Variants in PGF observed in about 807,000 individuals in gnomAD.
The protein encoded by PGF is placenta growth factor.
A neutral mutation model predicts 25.3 loss-of-function variants in PGF; 11 were observed. That is an observed-to-expected ratio of 0.43 (90% CI 0.27 to 0.72). PGF has a LOEUF of 0.72. Ranked by LOEUF, PGF falls within the 30% of genes least tolerant of loss-of-function variation. The probability of loss-of-function intolerance (pLI) is 0.18; values close to 1 mark genes in which losing one functional copy is unlikely to be tolerated. For synonymous variants in PGF, 105 were observed against 97.9 expected, an observed-to-expected ratio of 1.07 and a Z score of -0.43; for missense variants, 230 against 234.9, an observed-to-expected ratio of 0.98 and a Z score of 0.14.
Position 74,955,014 on chromosome 14 carries a change from C to T in PGF, c.75+154G>A, listed in dbSNP as rs949976220. Among the ~76,000 whole-genome samples, 1 of 150,902 alleles carries T rather than the reference C, an allele frequency of 6.6e-6. No homozygotes were observed. Among genetic ancestry groups the T allele is most frequent in the African/African-American group, 2.4e-5 (1 of 41,174 alleles). Reference sequence around the variant, plus strand: ...GGGACAGCCAGCCTGAGGTCTCTTCCCAAACGAAAGAAGTCCAGCCTGGCC... The same window carrying T: ...GGGACAGCCAGCCTGAGGTCTCTTCTCAAACGAAAGAAGTCCAGCCTGGCC... On this transcript the variant is annotated intron_variant, in intron 1 of 6. Transcript: ENST00000555567. The surrounding 1 kb of genome is among the most constrained non-coding windows in gnomAD (Gnocchi z 4.1).
Position 74,949,359 on chromosome 14 carries a change from G to C in PGF, c.313C>G (p.Gln105Glu), listed in dbSNP as rs771688033. 2 of 1,563,438 alleles carry C rather than the reference G, an allele frequency of 1.3e-6. No individual in the cohort carries two copies. Among genetic ancestry groups the C allele is most frequent in the East Asian group, 2.3e-5 (1 of 42,782 alleles). Residue 105 changes from glutamine (Q) to glutamate (E), a missense_variant and splice_region_variant, in exon 3 of 7, where the codon CAG becomes GAG. Transcript: ENST00000555567. ...VPVETANVTM[Q>E]LLKIRSGDRP... ...CCCTGGGCAGGGTATGGACCTACCTGCATGGTGACATTGGCCGTCTCCACC... is the reference window on the plus strand; with the variant it reads ...CCCTGGGCAGGGTATGGACCTACCTCCATGGTGACATTGGCCGTCTCCACC...
In PGF at chr14:74,946,426, G is replaced by T. The variant is rs61759386; in HGVS notation, c.393-18C>A. 1 of 1,598,514 alleles carries T rather than the reference G, an allele frequency of 6.3e-7. No individual in the cohort carries two copies. Among genetic ancestry groups the T allele is most frequent in the Non-Finnish European group, 8.5e-7 (1 of 1,171,218 alleles). On this transcript the variant is annotated intron_variant, in intron 4 of 6. Coordinates refer to ENST00000555567, the MANE Select transcript of PGF (RefSeq NM_002632.6). ...GCAGAGGCCTAGGGAAACAGACAGA[G>T]AGAGGGGCAGAGGAACGTTAGGAAA...
In PGF at chr14:74,950,777, T is replaced by A. The variant is rs1365871043; in HGVS notation, c.119-1224A>T. On this transcript the variant is annotated intron_variant, in intron 2 of 6. Transcript: ENST00000555567. The surrounding 1 kb of genome is among the most constrained non-coding windows in gnomAD (Gnocchi z 4.1). The stretch of plus-strand genomic sequence containing the variant: ...GACCAACCGCCTGTGAATCAGTGCC[T>A]GCAACCCAGCCCAGCCCAGAGACCA... 1.3e-5 allele frequency among the ~76,000 whole-genome samples: 2 copies of A among 152,230 alleles called. No homozygotes were observed. The highest frequency in any genetic ancestry group is 4.8e-5 in the African/African-American group (2 of 41,472).
intron 6 of PGF, chr14:74,944,417 T>G (rs2140401391): frequency 6.6e-6 from 1 of 152,198 alleles, no homozygotes; most frequent in Middle Eastern, 3.4e-3. Context: ...GTTCATTTTC[T>G]TAAAAGTGGA....
At chr14:74,942,863 T>G (rs1003868439) in intron 6 of PGF, 130 bp from the exon 7 acceptor site, 7 of 737,832 alleles carry the variant, frequency 9.5e-6, no homozygotes, top group Non-Finnish European at 1.5e-5. Flanking sequence ...GCAGTGCTCC[T>G]GGGTCCCTGC....
intron 3 of PGF, among the ~76,000 whole-genome samples, 186 bp downstream of exon 3, chr14:74,949,171 G>C (rs1030186192): frequency 1.3e-5 from 2 of 152,192 alleles, no homozygotes; most frequent in Admixed American, 1.3e-4. Flanking sequence ...GAATGCTGGT[G>C]GGGGTGGAGA....
At position 74,946,371 on chromosome 14, in the gene PGF, C is replaced by T. The variant is rs1888735180; in HGVS notation, c.422+8G>A. The T allele has an allele frequency of 6.2e-7, 1 of 1,612,918 alleles. No individual in the cohort carries two copies. The highest frequency in any genetic ancestry group is 1.3e-5 in the African/African-American group (1 of 75,044). On this transcript the variant is annotated splice_region_variant and intron_variant, in intron 5 of 6. Transcript: ENST00000555567. The stretch of plus-strand genomic sequence containing the variant: ...AGAATAGCCCCGAGCCCCAGCCAAA[C>T]CACTTACCTTTCCGGCTTCATCTTC...
Position 74,955,366 on chromosome 14 carries a change from C to G in PGF, c.-124G>C. The G allele has an allele frequency of 4.3e-6, 2 of 469,716 alleles. No individual in the cohort carries two copies. 29.1% of individuals were successfully genotyped at this position (469,716 alleles called of 1,614,324 possible). On this transcript the variant is annotated 5_prime_UTR_variant, in exon 1 of 7. Coordinates refer to ENST00000555567, the MANE Select transcript of PGF (RefSeq NM_002632.6). The surrounding 1 kb of genome is among the most constrained non-coding windows in gnomAD (Gnocchi z 4.1). Reference sequence around the variant, plus strand: ...CTGGACGCCTCCCTCACTGCTGCCCCGAGGCCCCGGCCGGTGGTTCGAGCA... The same window carrying G: ...CTGGACGCCTCCCTCACTGCTGCCCGGAGGCCCCGGCCGGTGGTTCGAGCA...
chr14:74,942,313 A>G lies in PGF; in HGVS notation c.*393T>C, dbSNP rs1888619566. On this transcript the variant is annotated 3_prime_UTR_variant, in exon 7 of 7. Coordinates refer to ENST00000555567, the MANE Select transcript of PGF (RefSeq NM_002632.6). ...CAGGATCCGCATCCCTACTTTGGAC[A>G]GGAGCTCCGAAAGCAAGGGCTGCTT... 1 of 184,938 alleles carries G rather than the reference A, an allele frequency of 5.4e-6. No homozygotes were observed. The highest frequency in any genetic ancestry group is 1.1e-5 in the Non-Finnish European group (1 of 88,978). The allele number at this position is 184,938 out of a possible 1,614,324, so 11.5% of individuals were successfully genotyped here. A position where few individuals can be genotyped will look rare whatever the true frequency, so the allele number is the denominator to read the frequency against.
intron 4 of PGF, 58 bp downstream of exon 4, chr14:74,948,449 G>T (rs773408447): frequency 2.2e-4 from 236 of 1,094,518 alleles, no homozygotes; most frequent in Non-Finnish European, 3.0e-4. Flanking sequence ...CATCTTTGCT[G>T]AGGCTGCCAA....
At chr14:74,946,903 C>A (rs751138579) in intron 4 of PGF, 1 of 752,478 alleles carries the variant, frequency 1.3e-6, no homozygotes, top group South Asian at 1.4e-5. Context: ...GAGCATCAGC[C>A]CTGAAGTCAC....
At chr14:74,943,202 C>A (rs1566855254) in intron 6 of PGF, among the ~76,000 whole-genome samples, 2 of 152,194 alleles carry the variant, frequency 1.3e-5, no homozygotes. Flanking sequence ...TTAAAGAAAT[C>A]CATTTTCAGC....
intron 6 of PGF, among the ~76,000 whole-genome samples, chr14:74,942,980 G>A (rs945924009): frequency 1.3e-5 from 2 of 152,164 alleles, no homozygotes; most frequent in South Asian, 2.1e-4. Context: ...AACCTTCCAT[G>A]AGGAAGGCAC....
At chr14:74,948,843 C>A (rs778034947) in intron 3 of PGF, among the ~76,000 whole-genome samples, 1 of 152,214 alleles carries the variant, frequency 6.6e-6, no homozygotes, top group Non-Finnish European at 1.5e-5. Context: ...GTCAGAGAGA[C>A]CCGTGTTCAG....
chr14:74,947,050 CA>C, intron 4 of PGF: 1 of 568,906 alleles, frequency 1.8e-6, no homozygotes, highest in South Asian at 2.3e-5. Context: ...AGACATGGGA[CA>C]GCATGGTAGC....
rs761272672 is a variant in PGF at position 74,948,493 on chromosome 14, C to T, written c.392+14G>A. The T allele has an allele frequency of 1.3e-6, 2 of 1,562,996 alleles. No homozygotes were observed. Among genetic ancestry groups the T allele is most frequent in the Admixed American group, 1.7e-5 (1 of 58,534 alleles). ...GGGCCTTTCCTTGCTACCCACCCGA[C>T]CCCGGAGACCTACCGGCATTCGCAG... On this transcript the variant is annotated intron_variant, in intron 4 of 6. Coordinates refer to ENST00000555567, the MANE Select transcript of PGF (RefSeq NM_002632.6).
chr14:74,954,592 A>G lies in PGF; in HGVS notation c.75+576T>C, dbSNP rs529635136. Among the ~76,000 whole-genome samples the G allele has an allele frequency of 1.0e-3, 158 of 152,170 alleles. 1 individual carries two copies. Among genetic ancestry groups the G allele is most frequent in the Non-Finnish European group, 1.7e-3 (118 of 67,952 alleles). ...CAGCCAGACTCACCCGGCTCCTGGGAAAAGGGCCCTGCTCACTTCCCCAGG... is the reference window on the plus strand; with the variant it reads ...CAGCCAGACTCACCCGGCTCCTGGGGAAAGGGCCCTGCTCACTTCCCCAGG... On this transcript the variant is annotated intron_variant, in intron 1 of 6. Transcript: ENST00000555567.
Position 74,942,419 on chromosome 14 carries a change from C to A in PGF, c.*287G>T. 2.3e-6 allele frequency: 1 copy of A among 432,720 alleles called. No individual in the cohort carries two copies. Among genetic ancestry groups the A allele is most frequent in the Admixed American group, 4.2e-5 (1 of 23,564 alleles). The allele number at this position is 432,720 out of a possible 1,614,324, so 26.8% of individuals were successfully genotyped here. On this transcript the variant is annotated 3_prime_UTR_variant, in exon 7 of 7. Transcript: ENST00000555567. The stretch of plus-strand genomic sequence containing the variant: ...TGCAGGCCCCTGGAGACCTCCAGGG[C>A]CTCTGGGGCCTAGCTTGCCCCTCAC...
chr14:74,953,712 C>A lies in PGF; in HGVS notation c.118+192G>T, dbSNP rs1379054615. ...TCCGTGTGCTGGTGACTCCAGCCCA[C>A]ACCTCTCTAGTCTCTGGGTCACCAT... is the stretch of plus-strand genomic sequence containing the variant. On this transcript the variant is annotated intron_variant, in intron 2 of 6. Transcript: ENST00000555567. This position sits in a 1 kb window ranked among gnomAD's most constrained non-coding sequence, Gnocchi z 5.4. Among the ~76,000 whole-genome samples, 1 of 152,218 alleles carries A rather than the reference C, an allele frequency of 6.6e-6. No individual in the cohort carries two copies. The highest frequency in any genetic ancestry group is 1.5e-5 in the Non-Finnish European group (1 of 68,032).
Sources: gnomAD v4.1 joint callset for allele counts (sites outside exome capture counted in the v4.1 genomes callset) on GRCh38, gnomAD v4.1.1 for gene constraint, Gnocchi (gnomAD v3.1) non-coding constraint, MANE v1.5 for transcripts, NCBI Gene and HGNC (gene_info 2026-07-23, HGNC 2026-07-21) for gene names.